Variants in LMO3 observed in about 807,000 individuals in gnomAD.
The protein encoded by LMO3 is LIM domain only 3.
A neutral mutation model predicts 15.8 loss-of-function variants in LMO3; 2 were observed. The ratio of observed to expected loss-of-function variants is 0.13; its 90% CI spans 0.05 to 0.40. The LOEUF is 0.40. LMO3 is among the 10% of genes least tolerant of loss of function. The pLI, the probability that LMO3 is intolerant of heterozygous loss-of-function variation, is 0.99. For missense variants in LMO3, 86 were observed against 182.2 expected (o/e 0.47, Z 3.04); for synonymous variants, 62 against 63.8 (o/e 0.97, Z 0.13).
intron 2 of LMO3, chr12:16,594,327 C>A (rs998364781): frequency 7.3e-6 from 10 of 1,368,576 alleles, no homozygotes; most frequent in Middle Eastern, 1.9e-4. Flanking sequence ...TTTTATAAGC[C>A]AATTAAACTA....
chr12:16,562,907 A>C (rs1477401578), intron 2 of LMO3, among the ~76,000 whole-genome samples: 1 of 152,212 alleles, frequency 6.6e-6, no homozygotes, highest in Non-Finnish European at 1.5e-5. Context: ...CTGACGTTAT[A>C]GCCTTCCAAT....
chr12:16,586,484 C>G lies in LMO3; in HGVS notation c.206+14171G>C, dbSNP rs529742660. ...GGACAATGTGTCTGGACAAATCTCA[C>G]GCTAAGCATTATCTTCTACGTCCAC... is the stretch of plus-strand genomic sequence containing the variant. On this transcript the variant is annotated intron_variant, in intron 2 of 3. Coordinates refer to ENST00000537304, the MANE Select transcript of LMO3 (RefSeq NM_018640.5). The surrounding 1 kb of genome is among the most constrained non-coding windows in gnomAD (Gnocchi z 4.3). Among the ~76,000 whole-genome samples the G allele has an allele frequency of 1.3e-5, 2 of 152,158 alleles. No homozygotes were observed. Among genetic ancestry groups the G allele is most frequent in the African/African-American group, 2.4e-5 (1 of 41,456 alleles).
intron 3 of LMO3, among the ~76,000 whole-genome samples, chr12:16,558,179 G>A (rs1314011276): frequency 2.6e-5 from 4 of 152,010 alleles, no homozygotes; most frequent in Non-Finnish European, 5.9e-5. Flanking sequence ...TTAAATGTGA[G>A]TGTAATATTT....
At chr12:16,572,687 ATAATT>A (rs889676237) in intron 2 of LMO3, among the ~76,000 whole-genome samples, 1 of 147,842 alleles carries the variant, frequency 6.8e-6, no homozygotes, top group African/African-American at 2.4e-5. Context: ...GATTATATAT[ATAATT>A]TAAATATATT....
chr12:16,557,288 A>G (rs1315627508), intron 3 of LMO3, among the ~76,000 whole-genome samples: 1 of 152,176 alleles, frequency 6.6e-6, no homozygotes. Flanking sequence ...AAGGAATACC[A>G]AAGGACCACC....
intron 1 of LMO3, chr12:16,605,646 A>G (rs930702278): frequency 1.1e-5 from 11 of 986,954 alleles, no homozygotes; most frequent in African/African-American, 6.5e-5. Context: ...TTCTTTTCCT[A>G]TGGGCTGGGA....
chr12:16,601,971 G>C (rs1943836992), intron 1 of LMO3: 1 of 152,138 alleles, frequency 6.6e-6, no homozygotes, highest in East Asian at 1.9e-4. Context: ...ATAAAGTACT[G>C]CAGACATCAT....
At position 16,576,378 on chromosome 12, in the gene LMO3, G is replaced by A. The variant is rs1016558168; in HGVS notation, c.207-15840C>T. 2.0e-5 allele frequency among the ~76,000 whole-genome samples: 3 copies of A among 152,126 alleles called. No individual in the cohort carries two copies. The highest frequency in any genetic ancestry group is 4.8e-5 in the African/African-American group (2 of 41,430). On this transcript the variant is annotated intron_variant, in intron 2 of 3. Transcript: ENST00000537304. The surrounding 1 kb of genome is among the most constrained non-coding windows in gnomAD (Gnocchi z 4.1). ...CTCAGCATCTACTTTCACACCTGAT[G>A]TCCTACCACTCCTGCCTGCTGAGTT...
chr12:16,602,796 GCCT>G (rs2137717273), intron 1 of LMO3, among the ~76,000 whole-genome samples: 1 of 152,246 alleles, frequency 6.6e-6, no homozygotes, highest in South Asian at 2.1e-4. Context: ...AGATCCAAGT[GCCT>G]GTTAACCACA....
At chr12:16,575,299 C>T (rs1454602226) in intron 2 of LMO3, among the ~76,000 whole-genome samples, 2 of 152,186 alleles carry the variant, frequency 1.3e-5, no homozygotes, top group African/African-American at 2.4e-5. Context: ...ACACACTAAA[C>T]GTCATACTGT....
chr12:16,573,680 C>G (rs541655865), intron 2 of LMO3: 3 of 152,212 alleles, frequency 2.0e-5, no homozygotes, highest in Non-Finnish European at 2.9e-5. Flanking sequence ...CTGCTCTGCT[C>G]GAGCTGGAGC....
At chr12:16,564,958 A>T (rs566470064) in intron 2 of LMO3, among the ~76,000 whole-genome samples, 81 of 150,024 alleles carry the variant, frequency 5.4e-4, no homozygotes, top group East Asian at 4.7e-3. Flanking sequence ...GCTAATTTTT[A>T]AAAAAAAAAT....
At position 16,589,281 on chromosome 12, in the gene LMO3, T is replaced by C. The variant is rs901480258; in HGVS notation, c.206+11374A>G. On this transcript the variant is annotated intron_variant, in intron 2 of 3. Coordinates refer to ENST00000537304, the MANE Select transcript of LMO3 (RefSeq NM_018640.5). The surrounding 1 kb of genome is among the most constrained non-coding windows in gnomAD (Gnocchi z 4.2). ...TAGGAATACATAAGTTATCTGCCAC[T>C]GATGATCATTGATGGAGAAGGGGCA... Among the ~76,000 whole-genome samples, 3 of 152,110 alleles carry C rather than the reference T, an allele frequency of 2.0e-5. No homozygotes were observed. The highest frequency in any genetic ancestry group is 7.2e-5 in the African/African-American group (3 of 41,442).
chr12:16,607,432 T>A (rs971266017), upstream of LMO3: 5 of 17,236 alleles, frequency 2.9e-4, no homozygotes, highest in African/African-American at 4.6e-3. Context: ...CTTGACAGAT[T>A]TTTTTTTTTT....
At chr12:16,573,331 GAATATT>G (rs1942884366) in intron 2 of LMO3, among the ~76,000 whole-genome samples, 1 of 152,078 alleles carries the variant, frequency 6.6e-6, no homozygotes, top group African/African-American at 2.4e-5. Flanking sequence ...CAGACATATT[GAATATT>G]AAAAACATGA....
In LMO3 at chr12:16,551,386, T is replaced by C. The variant is rs546537311; in HGVS notation, c.333-59A>G. On this transcript the variant is annotated intron_variant, in intron 3 of 3. Coordinates refer to ENST00000537304, the MANE Select transcript of LMO3 (RefSeq NM_018640.5). Reference sequence around the variant, plus strand: ...GACCATTTCACTTGGATCTAGAAATTTGAAGATTTATTTTCCTATTAATAG... The same window carrying C: ...GACCATTTCACTTGGATCTAGAAATCTGAAGATTTATTTTCCTATTAATAG... The C allele has an allele frequency of 8.6e-5, 89 of 1,035,140 alleles. 1 individual carries two copies. The highest frequency in any genetic ancestry group is 3.9e-4 in the Admixed American group (22 of 55,868). 64.1% of individuals were successfully genotyped at this position (1,035,140 alleles called of 1,614,324 possible). A position where few individuals can be genotyped will look rare whatever the true frequency, so the allele number is the denominator to read the frequency against.
chr12:16,592,088 A>G (rs1943511835), intron 2 of LMO3, among the ~76,000 whole-genome samples: 1 of 152,100 alleles, frequency 6.6e-6, no homozygotes, highest in African/African-American at 2.4e-5. Context: ...TTCACAAAAG[A>G]AAGTATGTAT....
chr12:16,578,905 G>A (rs11829390), intron 2 of LMO3, among the ~76,000 whole-genome samples: 55,094 of 151,814 alleles, frequency 0.36, 10,623 homozygotes, highest in African/African-American at 0.5. Context: ...AATAATTCAT[G>A]GTTCTATACT....
chr12:16,605,103 G>T, intron 1 of LMO3: 1 of 1,438,588 alleles, frequency 7.0e-7, no homozygotes, highest in Non-Finnish European at 9.1e-7. Context: ...GACAAGACAG[G>T]GCGCACACAC....
Sources: allele counts gnomAD v4.1 joint callset (sites outside exome capture counted in the v4.1 genomes callset), GRCh38; gene constraint gnomAD v4.1.1; non-coding constraint Gnocchi (gnomAD v3.1); transcripts MANE v1.5; gene names NCBI Gene and HGNC (gene_info 2026-07-23, HGNC 2026-07-21).